ALOX5: variants seen among roughly 807,000 people sequenced by gnomAD.
The protein encoded by ALOX5 is polyunsaturated fatty acid 5-lipoxygenase.
ALOX5 carries 64 observed loss-of-function variants against 87.9 expected under a neutral mutation model. The ratio of observed to expected loss-of-function variants is 0.73; its 90% CI spans 0.60 to 0.90. The LOEUF is 0.90. ALOX5 is among the 40% of genes least tolerant of loss of function. ALOX5 has a pLI of 0.00. For synonymous variants in ALOX5, 388 were observed against 355.1 expected (o/e 1.09, Z -1.04); for missense variants, 822 against 907.5 (o/e 0.91, Z 1.21).
At chr10:45,383,344 T>C (rs1034199661) in intron 2 of ALOX5, among the ~76,000 whole-genome samples, 4 of 152,258 alleles carry the variant, frequency 2.6e-5, no homozygotes, top group African/African-American at 9.6e-5. Context: ...GTACAGAGCA[T>C]CAGAGACGGA....
intron 2 of ALOX5, among the ~76,000 whole-genome samples, chr10:45,392,492 A>AGC (rs1840322538): frequency 6.6e-6 from 1 of 151,694 alleles, no homozygotes; most frequent in East Asian, 1.9e-4. Context: ...GCTTTGTTAA[A>AGC]CAGATGCTTG....
intron 9 of ALOX5, among the ~76,000 whole-genome samples, chr10:45,441,860 C>T (rs746961687): frequency 1.1e-4 from 17 of 152,110 alleles, no homozygotes; most frequent in Admixed American, 8.5e-4. Flanking sequence ...CCCACTGTCT[C>T]CTGCATCGGG....
chr10:45,430,706 A>G (rs767949575), intron 7 of ALOX5, among the ~76,000 whole-genome samples: 20 of 152,358 alleles, frequency 1.3e-4, no homozygotes, highest in Non-Finnish European at 2.6e-4. Flanking sequence ...TTGAAAAATT[A>G]GAGAAATGGA....
chr10:45,403,320 C>T (rs113914656), intron 3 of ALOX5, among the ~76,000 whole-genome samples: 12 of 152,276 alleles, frequency 7.9e-5, no homozygotes, highest in Admixed American at 1.3e-4. Context: ...ACCTCACTGA[C>T]GCAGTGTTGA....
At chr10:45,374,954 T>C (rs1271166959) in intron 1 of ALOX5, among the ~76,000 whole-genome samples, 3 of 152,068 alleles carry the variant, frequency 2.0e-5, no homozygotes, top group Non-Finnish European at 4.4e-5. Context: ...CTGAGTTCTG[T>C]CCAGACATGA....
At position 45,428,724 on chromosome 10, in the gene ALOX5, A is replaced by G; in HGVS notation, c.941A>G (p.Tyr314Cys). The G allele has an allele frequency of 6.2e-7, 1 of 1,614,026 alleles. No individual in the cohort carries two copies. ...CTGGCCGCTCCCATCTGCTTGCTGTATAAGAACCTGGCCAACAAGATTGTC... is the reference window on the plus strand; with the variant it reads ...CTGGCCGCTCCCATCTGCTTGCTGTGTAAGAACCTGGCCAACAAGATTGTC... ...QFLAAPICLL[Y>C]KNLANKIVPI... Residue 314 changes from tyrosine (Y) to cysteine (C), a missense_variant, in exon 7 of 14, where the codon TAT (tyrosine) becomes TGT (cysteine). Coordinates refer to ENST00000374391, the MANE Select transcript of ALOX5 (RefSeq NM_000698.5).
chr10:45,394,970 G>C (rs1287896364), intron 2 of ALOX5, among the ~76,000 whole-genome samples: 1 of 152,212 alleles, frequency 6.6e-6, no homozygotes, highest in Non-Finnish European at 1.5e-5. Context: ...GTGCTGGAGA[G>C]GGTGTGGAGA....
At chr10:45,396,728 T>C (rs1408186626) in intron 3 of ALOX5, among the ~76,000 whole-genome samples, 2 of 152,222 alleles carry the variant, frequency 1.3e-5, no homozygotes, top group Admixed American at 1.3e-4. Flanking sequence ...CATTGTCTCA[T>C]ACCCATATTA....
In ALOX5 at chr10:45,443,526, G is replaced by A. The variant is rs368826060; in HGVS notation, c.1562G>A (p.Arg521His). 5 of 1,612,444 alleles carry A rather than the reference G, an allele frequency of 3.1e-6. No homozygotes were observed. The highest frequency in any genetic ancestry group is 2.2e-5 in the East Asian group (1 of 44,830). Reference sequence around the variant, plus strand: ...GTCTACGTGTACGGCATGCGGGGCCGCAAGTCCTCAGGTAGGGCCTCCGGG... The same window carrying A: ...GTCTACGTGTACGGCATGCGGGGCCACAAGTCCTCAGGTAGGGCCTCCGGG... ...NDVYVYGMRGRKSSGFPKSVK... is the reference protein window; with the variant it reads ...NDVYVYGMRGHKSSGFPKSVK... The change falls in exon 11 of 14, where the codon CGC (arginine) becomes CAC (histidine). Residue 521 changes from arginine to histidine, a missense_variant. Coordinates refer to ENST00000374391, the MANE Select transcript of ALOX5 (RefSeq NM_000698.5).
intron 4 of ALOX5, among the ~76,000 whole-genome samples, chr10:45,413,883 G>A (rs1841164566): frequency 3.3e-5 from 5 of 151,982 alleles, no homozygotes; most frequent in South Asian, 4.1e-4. Flanking sequence ...AACTTACAAG[G>A]GATGTGAAGG....
intron 3 of ALOX5, among the ~76,000 whole-genome samples, chr10:45,402,031 G>A (rs1399943124): frequency 6.8e-6 from 1 of 147,140 alleles, no homozygotes; most frequent in African/African-American, 2.5e-5. Flanking sequence ...AGCTTGCAGT[G>A]AGCCGAGATT....
chr10:45,401,273 C>A (rs917355878), intron 3 of ALOX5, among the ~76,000 whole-genome samples: 13 of 152,038 alleles, frequency 8.6e-5, no homozygotes, highest in African/African-American at 3.1e-4. Context: ...CCTTTGGGAG[C>A]CAATATTGTG....
At chr10:45,430,631 TAA>T (rs757476574) in intron 7 of ALOX5, among the ~76,000 whole-genome samples, 1 of 141,592 alleles carries the variant, frequency 7.1e-6, no homozygotes. Flanking sequence ...CCCCGTCTCT[TAA>T]AAAAAAAAAA....
intron 4 of ALOX5, among the ~76,000 whole-genome samples, chr10:45,420,193 T>C (rs966392412): frequency 1.3e-5 from 2 of 152,216 alleles, no homozygotes; most frequent in Admixed American, 6.5e-5. Flanking sequence ...AACTGATGCC[T>C]ATAAAACATA....
intron 4 of ALOX5, among the ~76,000 whole-genome samples, chr10:45,415,270 T>C (rs1164648045): frequency 6.6e-6 from 1 of 152,136 alleles, no homozygotes; most frequent in Non-Finnish European, 1.5e-5. Context: ...AAAGGATGAG[T>C]TAATGTCCTT....
Position 45,443,100 on chromosome 10 carries a change from C to T in ALOX5, c.1335C>T (p.Thr445=), listed in dbSNP as rs1842292394. Residue 445 remains threonine, a synonymous_variant, in exon 10 of 14, where the codon ACC becomes ACT. Coordinates refer to ENST00000374391, the MANE Select transcript of ALOX5 (RefSeq NM_000698.5). ...QMVQRAMKDL[T]YASLCFPEAI... ...TGCAGAGGGCCATGAAGGACCTGAC[C>T]TATGCCTCCCTGTGCTTTCCCGAGG... 1 of 1,613,812 alleles carries T rather than the reference C, an allele frequency of 6.2e-7. No individual in the cohort carries two copies. Among genetic ancestry groups the T allele is most frequent in the Non-Finnish European group, 8.5e-7 (1 of 1,180,004 alleles).
intron 6 of ALOX5, among the ~76,000 whole-genome samples, chr10:45,426,315 G>A (rs567231891): frequency 1.2e-4 from 19 of 152,302 alleles, no homozygotes; most frequent in African/African-American, 4.1e-4. Context: ...CCTCCCACTG[G>A]GAGTCCCGGC....
At chr10:45,395,445 A>G (rs967496669) in intron 2 of ALOX5, among the ~76,000 whole-genome samples, 2 of 152,060 alleles carry the variant, frequency 1.3e-5, no homozygotes, top group Non-Finnish European at 1.5e-5. Context: ...ATCACACACC[A>G]AGGTCTGTCA....
chr10:45,433,885 G>T (rs1841986321), intron 7 of ALOX5, among the ~76,000 whole-genome samples: 1 of 152,226 alleles, frequency 6.6e-6, no homozygotes, highest in African/African-American at 2.4e-5. Context: ...AGGTCTCTGT[G>T]CCAGTGGATC....
Sources: allele counts gnomAD v4.1 joint callset (sites outside exome capture counted in the v4.1 genomes callset), GRCh38; gene constraint gnomAD v4.1.1; transcripts MANE v1.5; gene names NCBI Gene and HGNC (gene_info 2026-07-23, HGNC 2026-07-21).